RSL24D1: variants seen among roughly 807,000 people sequenced by gnomAD.
RSL24D1 encodes the protein probable ribosome biogenesis protein RLP24.
In RSL24D1, 6 loss-of-function variants were observed where a neutral mutation model predicts 26.2. The ratio of observed to expected loss-of-function variants is 0.23; its 90% CI spans 0.13 to 0.45. RSL24D1 has a LOEUF of 0.45. Ranked by LOEUF, RSL24D1 falls within the 20% of genes least tolerant of loss-of-function variation. The pLI, the probability that RSL24D1 is intolerant of heterozygous loss-of-function variation, is 0.99. For missense variants in RSL24D1, 176 were observed against 202.6 expected (o/e 0.87, Z 0.80); for synonymous variants, 61 against 59.1 (o/e 1.03, Z -0.15).
intron 4 of RSL24D1, 141 bp downstream of exon 4, chr15:55,185,221 A>G (rs1595651177): frequency 3.7e-6 from 2 of 544,066 alleles, no homozygotes; most frequent in Non-Finnish European, 3.3e-6. Context: ...AGAATATACA[A>G]GAGTTCTTCA....
intron 5 of RSL24D1, 129 bp downstream of exon 5, chr15:55,183,186 C>T (rs1003771289): frequency 7.9e-6 from 5 of 629,760 alleles, no homozygotes; most frequent in Non-Finnish European, 1.3e-5. Context: ...GAATAAATTA[C>T]ATTTTTATAG....
chr15:55,194,448 T>C (rs929525409), intron 1 of RSL24D1: 1 of 152,162 alleles, frequency 6.6e-6, no homozygotes, highest in Admixed American at 6.5e-5. Context: ...TATGGTGGGG[T>C]AAGAGGTGGA....
At chr15:55,186,660 C>T (rs1045994452) in intron 3 of RSL24D1, among the ~76,000 whole-genome samples, 7 of 152,114 alleles carry the variant, frequency 4.6e-5, no homozygotes, top group Non-Finnish European at 1.0e-4. Flanking sequence ...ATTAAAGAGA[C>T]ATGACATGTA....
In RSL24D1 at chr15:55,182,174, A is replaced by G; in HGVS notation, c.470T>C (p.Val157Ala). 2 of 1,608,022 alleles carry G rather than the reference A, an allele frequency of 1.2e-6. No individual in the cohort carries two copies. Among genetic ancestry groups the G allele is most frequent in the Non-Finnish European group, 1.7e-6 (2 of 1,174,926 alleles). The change falls in exon 6 of 6, where the codon GTG (valine) becomes GCG (alanine). Residue 157 changes from valine to alanine, a missense_variant. Physicochemically the swap from Val to Ala is moderately conservative, Grantham distance 64. This residue lies in a region of RSL24D1 where 43 missense variants were observed against 38.7 expected (regional missense o/e 1.11). Transcript: ENST00000260443. ...TTTTTAAGGAGCATCTTCCATGTCC[A>G]CATCCTCTTGTAACTGCTGTACCAT... ...EKMVQQLQED[V>A]DMEDAP
intron 1 of RSL24D1, chr15:55,195,557 G>GT (rs917511344): frequency 6.6e-6 from 1 of 152,160 alleles, no homozygotes; most frequent in African/African-American, 2.4e-5. Flanking sequence ...CTCACGATCT[G>GT]TTGTTCTAAT....
chr15:55,183,507 G>A, intron 4 of RSL24D1, 107 bp from the exon 5 acceptor site: 1 of 723,742 alleles, frequency 1.4e-6, no homozygotes, highest in Non-Finnish European at 2.4e-6. Flanking sequence ...TAGCCCCACA[G>A]ATGGGGAATG....
At chr15:55,185,324 A>C in intron 4 of RSL24D1, 38 bp downstream of exon 4, 2 of 1,491,904 alleles carry the variant, frequency 1.3e-6, no homozygotes, top group Non-Finnish European at 1.8e-6. Flanking sequence ...TCTACTAGTA[A>C]TTATTTTCCA....
chr15:55,193,044 A>G (rs922978080), intron 1 of RSL24D1, among the ~76,000 whole-genome samples: 1 of 152,230 alleles, frequency 6.6e-6, no homozygotes, highest in Non-Finnish European at 1.5e-5. Flanking sequence ...ATTATTTTAA[A>G]TTACTAATCA....
At chr15:55,187,940 A>AT (rs1329609295) in intron 3 of RSL24D1, among the ~76,000 whole-genome samples, 1 of 151,326 alleles carries the variant, frequency 6.6e-6, no homozygotes, top group Non-Finnish European at 1.5e-5. Context: ...AAAATAAAAA[A>AT]TAAAAAAAAA....
In RSL24D1 at chr15:55,181,772, T is replaced by C. The variant is rs1894169323; in HGVS notation, c.*380A>G. On this transcript the variant is annotated 3_prime_UTR_variant, in exon 6 of 6. Transcript: ENST00000260443. ...TTTTTGTATCCCCCCTTCTATAACA[T>C]TAACAAAGGGAATATTTTACTGCAA... 6.2e-6 allele frequency: 1 copy of C among 161,168 alleles called. No individual in the cohort carries two copies. Among genetic ancestry groups the C allele is most frequent in the African/African-American group, 2.4e-5 (1 of 41,756 alleles). The allele number at this position is 161,168 out of a possible 1,614,324, so 10.0% of individuals were successfully genotyped here.
In RSL24D1 at chr15:55,182,287, C is replaced by T. The variant is rs1259772196; in HGVS notation, c.419-62G>A. 21 of 1,013,060 alleles carry T rather than the reference C, an allele frequency of 2.1e-5. No homozygotes were observed. In the East Asian group the frequency reaches 3.9e-4, roughly 19 times the overall value. 62.8% of individuals were successfully genotyped at this position (1,013,060 alleles called of 1,614,324 possible). Reference sequence around the variant, plus strand: ...TAAATGTGACCTTACAGAATTCACACCAACACTTTATAAAGGATCTTGCAT... The same window carrying T: ...TAAATGTGACCTTACAGAATTCACATCAACACTTTATAAAGGATCTTGCAT... On this transcript the variant is annotated intron_variant, in intron 5 of 5. Coordinates refer to ENST00000260443, the MANE Select transcript of RSL24D1 (RefSeq NM_016304.3).
At position 55,181,053 on chromosome 15, in the gene RSL24D1, A is replaced by T. The variant is rs1406212346; in HGVS notation, c.*1099T>A. ...GAAACAAAAAATGAGCCATTACTTT[A>T]TAATTATGTAAGGCTAAGAATTACT... is the stretch of plus-strand genomic sequence containing the variant. On this transcript the variant is annotated 3_prime_UTR_variant, in exon 6 of 6. Coordinates refer to ENST00000260443, the MANE Select transcript of RSL24D1 (RefSeq NM_016304.3). The T allele has an allele frequency of 1.3e-5, 2 of 152,204 alleles. No individual in the cohort carries two copies. Among genetic ancestry groups the T allele is most frequent in the Non-Finnish European group, 2.9e-5 (2 of 68,026 alleles). The allele number at this position is 152,204 out of a possible 1,614,324, so 9.4% of individuals were successfully genotyped here.
chr15:55,185,284 T>C, intron 4 of RSL24D1, 78 bp downstream of exon 4: 1 of 1,155,886 alleles, frequency 8.7e-7, no homozygotes, highest in Non-Finnish European at 1.2e-6. Context: ...AATAAAAAAT[T>C]TTTTTAAAAA....
At chr15:55,187,064 G>T (rs1356259904) in intron 3 of RSL24D1, among the ~76,000 whole-genome samples, 1 of 152,118 alleles carries the variant, frequency 6.6e-6, no homozygotes, top group East Asian at 1.9e-4. Flanking sequence ...CAGTAACAGT[G>T]GCATCATTTG....
chr15:55,193,909 C>A (rs1026646198), intron 1 of RSL24D1, among the ~76,000 whole-genome samples: 1 of 151,982 alleles, frequency 6.6e-6, no homozygotes, highest in African/African-American at 2.4e-5. Flanking sequence ...ACTATGAAAT[C>A]ATAAATAAAA....
chr15:55,189,428 T>C (rs1894268013), intron 3 of RSL24D1, among the ~76,000 whole-genome samples: 1 of 151,824 alleles, frequency 6.6e-6, no homozygotes, highest in Non-Finnish European at 1.5e-5. Context: ...TAAAAAGGGG[T>C]TGGGGGAGAC....
chr15:55,186,657 A>G (rs1566886213), intron 3 of RSL24D1, among the ~76,000 whole-genome samples: 1 of 152,202 alleles, frequency 6.6e-6, no homozygotes, highest in Non-Finnish European at 1.5e-5. Flanking sequence ...GAGATTAAAG[A>G]GACATGACAT....
At chr15:55,190,312 G>C (rs943808597) in intron 3 of RSL24D1, among the ~76,000 whole-genome samples, 1 of 140,418 alleles carries the variant, frequency 7.1e-6, no homozygotes, top group East Asian at 2.1e-4. Context: ...AAATGTGGTA[G>C]AATCTACAAG....
intron 1 of RSL24D1, 49 bp downstream of exon 1, chr15:55,196,761 G>A (rs758500169): frequency 1.1e-5 from 17 of 1,590,240 alleles, no homozygotes; most frequent in Non-Finnish European, 1.5e-5. Flanking sequence ...GCCGCGCCCA[G>A]GAACCGCGGG....
Sources: gnomAD v4.1 joint callset for allele counts (sites outside exome capture counted in the v4.1 genomes callset) on GRCh38, gnomAD v4.1.1 for gene constraint, gnomAD v4.1.1 regional missense constraint, MANE v1.5 for transcripts, NCBI Gene and HGNC (gene_info 2026-07-23, HGNC 2026-07-21) for gene names.